DGKK: variants seen among roughly 807,000 people sequenced by gnomAD.
The protein encoded by DGKK is diacylglycerol kinase kappa.
DGKK carries 35 observed loss-of-function variants against 92.2 expected under a neutral mutation model. The observed-to-expected ratio is 0.38, with a 90% confidence interval of 0.29 to 0.50. The LOEUF is 0.50. DGKK is among the 20% of genes least tolerant of loss of function. DGKK has a pLI of 0.92. For missense variants in DGKK, 910 were observed against 992.2 expected, an observed-to-expected ratio of 0.92 and a Z score of 1.11; for synonymous variants, 368 against 360.6, an observed-to-expected ratio of 1.02 and a Z score of -0.23.
intron 11 of DGKK, 93 bp from the exon 12 acceptor site, chrX:50,390,502 T>G: frequency 2.4e-6 from 2 of 816,339 alleles, no homozygotes; most frequent in African/African-American, 2.0e-5. Flanking sequence ...TAAAAATGTT[T>G]ATGTGGTGGG....
intron 1 of DGKK, among the ~76,000 whole-genome samples, chrX:50,447,505 C>T (rs782564878): frequency 1.1e-5 from 1 of 90,533 alleles, no homozygotes; most frequent in Non-Finnish European, 2.2e-5. Flanking sequence ...AATAAGGAAC[C>T]AACATGAATC....
intron 1 of DGKK, among the ~76,000 whole-genome samples, chrX:50,429,487 C>T (rs1925827257): frequency 9.0e-6 from 1 of 111,670 alleles, no homozygotes; most frequent in Admixed American, 9.5e-5. Context: ...AGATCGAGAC[C>T]ATCCTGGCTA....
chrX:50,470,612 A>C lies in DGKK; in HGVS notation c.67T>G (p.Ser23Ala). The C allele has an allele frequency of 8.5e-7, 1 of 1,176,965 alleles. No individual in the cohort carries two copies. Among genetic ancestry groups the C allele is most frequent in the Non-Finnish European group, 1.1e-6 (1 of 882,602 alleles). Residue 23 changes from serine (S) to alanine (A), a missense_variant, in exon 1 of 28, where the codon TCT becomes GCT. Coordinates refer to ENST00000611977, the MANE Select transcript of DGKK (RefSeq NM_001013742.4). ...GGCCAAGGCGGCGGAGGCTCTGGAG[A>C]CTCAGCGGGCTGCTCTCCATCCTGA... The part of the protein sequence containing the change: ...PPQDGEQPAE[S>A]PEPPPPWPPP...
chrX:50,470,640 C>T lies in DGKK; in HGVS notation c.39G>A (p.Pro13=), dbSNP rs782191640. Reference sequence around the variant, plus strand: ...CAGCGGGCTGCTCTCCATCCTGAGGCGGGGCAGTGCCCTGGGCTGCGGCAG... The same window carrying T: ...CAGCGGGCTGCTCTCCATCCTGAGGTGGGGCAGTGCCCTGGGCTGCGGCAG... ...RGAAAAQGTA[P]PQDGEQPAES... is the part of the protein sequence containing the mutation. The change falls in exon 1 of 28, where the codon CCG becomes CCA. Residue 13 remains proline (P), a synonymous_variant. Coordinates refer to ENST00000611977, the MANE Select transcript of DGKK (RefSeq NM_001013742.4). 1.7e-6 allele frequency: 2 copies of T among 1,142,991 alleles called. No homozygotes were observed. Among genetic ancestry groups the T allele is most frequent in the East Asian group, 3.2e-5 (1 of 31,255 alleles). The allele number at this position is 1,142,991 out of a possible 1,213,427, so 94.2% of individuals were successfully genotyped here.
intron 13 of DGKK, 24 bp from the exon 14 acceptor site, chrX:50,387,677 C>G: frequency 4.6e-6 from 5 of 1,083,340 alleles, no homozygotes; most frequent in Non-Finnish European, 6.4e-6. Context: ...ATAGATGGCA[C>G]AATGTTACAT....
Position 50,470,390 on chromosome X carries a change from G to A in DGKK, c.289C>T (p.Pro97Ser), listed in dbSNP as rs1557234443. The change falls in exon 1 of 28, where the codon CCT becomes TCT. Residue 97 changes from proline to serine, a missense_variant. Coordinates refer to ENST00000611977, the MANE Select transcript of DGKK (RefSeq NM_001013742.4). Reference sequence around the variant, plus strand: ...GGTTCTGGGGCCGGCTCTGTGGCAGGTTCTGGGGCCGGTTCTGAGGCCGGC... The same window carrying A: ...GGTTCTGGGGCCGGCTCTGTGGCAGATTCTGGGGCCGGTTCTGAGGCCGGC... ...TEPASEPAPE[P>S]ATEPAPEPAT... 1 of 1,208,325 alleles carries A rather than the reference G, an allele frequency of 8.3e-7. No homozygotes were observed.
At chrX:50,388,392 G>A (rs1924602836) in intron 13 of DGKK, 135 bp downstream of exon 13, 2 of 478,738 alleles carry the variant, frequency 4.2e-6, no homozygotes, top group East Asian at 3.9e-5. Flanking sequence ...CATTCAGGGG[G>A]TTTGAGTTGG....
intron 1 of DGKK, 50 bp from the exon 2 acceptor site, chrX:50,424,408 A>G: frequency 2.8e-6 from 3 of 1,067,409 alleles, no homozygotes; most frequent in Middle Eastern, 2.6e-4. Context: ...TCATAAGGTC[A>G]TATCACTTGT....
chrX:50,451,409 G>A (rs1557232429), intron 1 of DGKK, among the ~76,000 whole-genome samples: 1 of 111,448 alleles, frequency 9.0e-6, no homozygotes, highest in African/African-American at 3.3e-5. Context: ...CCAGAATGAT[G>A]AAAGTTCATC....
chrX:50,447,195 A>AATATAT (rs60131544), intron 1 of DGKK, among the ~76,000 whole-genome samples: 1 of 92,682 alleles, frequency 1.1e-5, no homozygotes, highest in Non-Finnish European at 2.1e-5. Flanking sequence ...GTATATATAT[A>AATATAT]ATATATATAT....
At chrX:50,397,399 C>G (rs782266419) in intron 8 of DGKK, among the ~76,000 whole-genome samples, 4 of 112,207 alleles carry the variant, frequency 3.6e-5, no homozygotes, top group Non-Finnish European at 7.5e-5. Context: ...CATGACACAC[C>G]TGAGTACAAT....
At position 50,365,966 on chromosome X, in the gene DGKK, G is replaced by T. The variant is rs1160309667; in HGVS notation, c.*2974C>A. The T allele has an allele frequency of 9.0e-6, 1 of 111,689 alleles. No homozygotes were observed. Among genetic ancestry groups the T allele is most frequent in the Non-Finnish European group, 1.9e-5 (1 of 53,142 alleles). The allele number at this position is 111,689 out of a possible 1,213,427, so 9.2% of individuals were successfully genotyped here. A position where few individuals can be genotyped will look rare whatever the true frequency, so the allele number is the denominator to read the frequency against. ...AGTATTGACACCAGAAGCAGTTGGTGGCAGTTCAAATGTATCGGCTTTTTC... is the reference window on the plus strand; with the variant it reads ...AGTATTGACACCAGAAGCAGTTGGTTGCAGTTCAAATGTATCGGCTTTTTC... On this transcript the variant is annotated 3_prime_UTR_variant, in exon 28 of 28. Coordinates refer to ENST00000611977, the MANE Select transcript of DGKK (RefSeq NM_001013742.4).
chrX:50,410,351 C>T (rs782471825), intron 4 of DGKK, among the ~76,000 whole-genome samples: 4 of 111,950 alleles, frequency 3.6e-5, no homozygotes, highest in Non-Finnish European at 7.5e-5. Context: ...CGGCCAAGAA[C>T]ATGTTACTGG....
chrX:50,424,285 A>C lies in DGKK; in HGVS notation c.719T>G (p.Val240Gly). The C allele has an allele frequency of 8.3e-7, 1 of 1,210,971 alleles. No homozygotes were observed. Among genetic ancestry groups the C allele is most frequent in the African/African-American group, 1.7e-5 (1 of 57,767 alleles). Residue 240 changes from valine to glycine, a missense_variant, in exon 2 of 28, where the codon GTT (valine) becomes GGT (glycine). Transcript: ENST00000611977. ...TGCAAAGTAGAGCTTCTGTCCTTGA[A>C]CCAGAAAATATCTAAGCTTCCATCT... is the stretch of plus-strand genomic sequence containing the variant. ...FKRWKLRYFL[V>G]QGQKLYFAHH...
chrX:50,395,127 T>C (rs1390964637), intron 8 of DGKK, among the ~76,000 whole-genome samples: 1 of 111,206 alleles, frequency 9.0e-6, no homozygotes, highest in African/African-American at 3.3e-5. Flanking sequence ...GGAAGACTGT[T>C]CAGCATGGAC....
intron 1 of DGKK, among the ~76,000 whole-genome samples, chrX:50,425,942 T>C (rs1233139729): frequency 8.9e-6 from 1 of 111,930 alleles, no homozygotes; most frequent in Non-Finnish European, 1.9e-5. Context: ...CAAAAATGGC[T>C]TTTGGTTTTT....
At chrX:50,404,567 T>C (rs1488671109) in intron 4 of DGKK, among the ~76,000 whole-genome samples, 4 of 106,866 alleles carry the variant, frequency 3.7e-5, no homozygotes, top group Non-Finnish European at 5.8e-5. Context: ...TGCCTCAGCC[T>C]CCCAAGTAGC....
intron 10 of DGKK, 48 bp downstream of exon 10, chrX:50,392,293 C>A: frequency 1.0e-6 from 1 of 999,015 alleles, no homozygotes; most frequent in Middle Eastern, 2.6e-4. Flanking sequence ...CAGCTGCACA[C>A]CCCTACTCTT....
At chrX:50,389,927 C>T (rs916500847) in intron 12 of DGKK, among the ~76,000 whole-genome samples, 2 of 111,381 alleles carry the variant, frequency 1.8e-5, no homozygotes, top group Non-Finnish European at 3.8e-5. Context: ...CTGATTTCCC[C>T]AGACTGAGAT....
Sources: allele counts gnomAD v4.1 joint callset (sites outside exome capture counted in the v4.1 genomes callset), GRCh38; gene constraint gnomAD v4.1.1; transcripts MANE v1.5; gene names NCBI Gene and HGNC (gene_info 2026-07-23, HGNC 2026-07-21).